Variants in CCDC187 observed in about 807,000 individuals in gnomAD.
The protein encoded by CCDC187 is coiled-coil domain-containing protein 187.
Under a neutral mutation model 38.0 loss-of-function variants are expected in CCDC187, and 32 were observed. That is an observed-to-expected ratio of 0.84 (90% CI 0.64 to 1.13). The LOEUF is 1.13. Ranked by LOEUF, CCDC187 falls within the 50% of genes most tolerant of loss-of-function variation. The pLI is 0.00. For synonymous variants in CCDC187, 333 were observed against 347.9 expected (o/e 0.96, Z 0.48); for missense variants, 707 against 786.8 (o/e 0.90, Z 1.21).
chr9:136,259,359 G>A lies in CCDC187; in HGVS notation c.4296+4C>T, dbSNP rs922788727. ...GGGAAAGGGCTTCCAGGGAGAGTGC[G>A]TACGGGAAAGGCTGGGCCCAGCCGC... On this transcript the variant is annotated splice_donor_region_variant and intron_variant, in intron 21 of 25. Transcript: ENST00000638797. 25 of 984,470 alleles carry A rather than the reference G, an allele frequency of 2.5e-5. No homozygotes were observed. Among genetic ancestry groups the A allele is most frequent in the South Asian group, 9.4e-5 (2 of 21,258 alleles). The allele number at this position is 984,470 out of a possible 1,614,324, so 61.0% of individuals were successfully genotyped here.
intron 10 of CCDC187, among the ~76,000 whole-genome samples, chr9:136,280,349 G>T (rs1244320906): frequency 6.6e-6 from 1 of 152,356 alleles, no homozygotes; most frequent in South Asian, 2.1e-4. Context: ...GAAGGGGCAG[G>T]TGCATACCAG....
In CCDC187 at chr9:136,293,308, C is replaced by T. The variant is rs1236482229; in HGVS notation, c.833-1013G>A. 4.7e-5 allele frequency among the ~76,000 whole-genome samples: 7 copies of T among 149,698 alleles called. 2 individuals carry two copies. Among genetic ancestry groups the T allele is most frequent in the Non-Finnish European group, 4.4e-5 (3 of 67,624 alleles). On this transcript the variant is annotated intron_variant, in intron 4 of 25. Transcript: ENST00000638797. ...GCTCACACACTCACAAACACATGTT[C>T]ACACACTCACACTCACATGCTTACA...
intron 9 of CCDC187, among the ~76,000 whole-genome samples, chr9:136,283,281 C>A (rs1831089715): frequency 6.6e-6 from 1 of 152,092 alleles, no homozygotes; most frequent in South Asian, 2.1e-4. Context: ...AAAAAAGAAA[C>A]CAGTCTGAGA....
Position 136,291,205 on chromosome 9 carries a change from C to G in CCDC187, c.1408G>C (p.Asp470His). The change falls in exon 6 of 26, where the codon GAC becomes CAC. Residue 470 changes from aspartate (D) to histidine (H), a missense_variant. Transcript: ENST00000638797. ...PQRAWGAQGQ[D>H]RSFQRPESPH... ...CTCTCCGGCCTCTGGAAGGAGCGGT[C>G]CTGTCCTTGGGCCCCCCAGGCCCTC... 2.5e-6 allele frequency: 1 copy of G among 398,726 alleles called. No individual in the cohort carries two copies. The highest frequency in any genetic ancestry group is 4.4e-6 in the Non-Finnish European group (1 of 226,140). The allele number at this position is 398,726 out of a possible 1,614,324, so 24.7% of individuals were successfully genotyped here.
intron 14 of CCDC187, 47 bp from the exon 15 acceptor site, chr9:136,268,172 C>T (rs1261448681): frequency 2.0e-6 from 2 of 978,862 alleles, no homozygotes; most frequent in South Asian, 9.5e-5. Flanking sequence ...GGTCTGAGTG[C>T]CCCGTGTCAG....
intron 21 of CCDC187, 114 bp from the exon 22 acceptor site, chr9:136,259,115 G>A: frequency 1.2e-6 from 1 of 848,892 alleles, no homozygotes; most frequent in Non-Finnish European, 1.4e-6. Flanking sequence ...GGTGGATGGG[G>A]ACAGCCGGGG....
In CCDC187 at chr9:136,254,351, C is replaced by T; in HGVS notation, c.5477G>A (p.Arg1826Lys). Residue 1826 changes from arginine to lysine, a missense_variant, in exon 26 of 26, where the codon AGA becomes AAA. Transcript: ENST00000638797. ...AGCCACCTGGGGCTCCATGCCGCTT[C>T]TGACACCCCCTTTCAGGCTCTCGCT... ...GTSESLKGGV[R>K]SGMEPQVALP... is the part of the protein sequence containing the mutation. 1 of 984,410 alleles carries T rather than the reference C, an allele frequency of 1.0e-6. No homozygotes were observed. 61.0% of individuals were successfully genotyped at this position (984,410 alleles called of 1,614,324 possible).
At chr9:136,293,886 TCACA>T (rs1407812285) in intron 4 of CCDC187, among the ~76,000 whole-genome samples, 2 of 150,842 alleles carry the variant, frequency 1.3e-5, no homozygotes, top group Admixed American at 6.6e-5. Context: ...ACTCACACGC[TCACA>T]CACAACCACA....
intron 5 of CCDC187, 119 bp from the exon 6 acceptor site, chr9:136,291,764 C>T: frequency 2.5e-6 from 1 of 397,842 alleles, no homozygotes; most frequent in Non-Finnish European, 4.4e-6. Flanking sequence ...CGGGCCCCTG[C>T]TGGGCAGAAG....
rs114870706 is a variant in CCDC187, at chr9:136,269,981, T to C, written c.3443-1856A>G. 2.5e-3 allele frequency among the ~76,000 whole-genome samples: 382 copies of C among 152,248 alleles called. 1 individual carries two copies. The highest frequency in any genetic ancestry group is 8.7e-3 in the African/African-American group (363 of 41,528). On this transcript the variant is annotated intron_variant, in intron 14 of 25. Coordinates refer to ENST00000638797, the MANE Select transcript of CCDC187 (RefSeq NM_001378188.1). Reference sequence around the variant, plus strand: ...ACACTGGATGGGATGAAGGGCAGACTAGACACTGCAGAAGGAGAGATGAAC... The same window carrying C: ...ACACTGGATGGGATGAAGGGCAGACCAGACACTGCAGAAGGAGAGATGAAC...
In CCDC187 at chr9:136,281,472, G is replaced by A. The variant is rs905708073; in HGVS notation, c.3040+79C>T. 383 of 398,652 alleles carry A rather than the reference G, an allele frequency of 9.6e-4. 1 individual carries two copies. Among genetic ancestry groups the A allele is most frequent in the African/African-American group, 6.5e-3 (319 of 48,744 alleles). 24.7% of individuals were successfully genotyped at this position (398,652 alleles called of 1,614,324 possible). A position where few individuals can be genotyped will look rare whatever the true frequency, so the allele number is the denominator to read the frequency against. On this transcript the variant is annotated intron_variant, in intron 10 of 25. Transcript: ENST00000638797. ...CCCGTAGGGCCAAGCTCGAGTGCTA[G>A]GCAGTGGAAGGTGTTCTCGGTGGAT...
At chr9:136,268,741 A>AT (rs1830790733) in intron 14 of CCDC187, among the ~76,000 whole-genome samples, 6 of 152,174 alleles carry the variant, frequency 3.9e-5, no homozygotes, top group Admixed American at 2.0e-4. Context: ...ATACATATAT[A>AT]TATATTTTTT....
chr9:136,295,371 C>T (rs1451233816), intron 4 of CCDC187, among the ~76,000 whole-genome samples: 1 of 152,196 alleles, frequency 6.6e-6, no homozygotes, highest in African/African-American at 2.4e-5. Flanking sequence ...CTGATGGGCA[C>T]ATTTTTTCTT....
intron 9 of CCDC187, 107 bp from the exon 10 acceptor site, chr9:136,281,770 G>A: frequency 2.5e-6 from 1 of 397,712 alleles, no homozygotes; most frequent in African/African-American, 2.1e-5. Flanking sequence ...GGGCTCCCGT[G>A]GCCTGGAGCA....
At position 136,281,540 on chromosome 9, in the gene CCDC187, G is replaced by A; in HGVS notation, c.3040+11C>T. 2.5e-6 allele frequency: 1 copy of A among 398,642 alleles called. No homozygotes were observed. Among genetic ancestry groups the A allele is most frequent in the Non-Finnish European group, 4.4e-6 (1 of 226,084 alleles). 24.7% of individuals were successfully genotyped at this position (398,642 alleles called of 1,614,324 possible). A position where few individuals can be genotyped will look rare whatever the true frequency, so the allele number is the denominator to read the frequency against. The stretch of plus-strand genomic sequence containing the variant: ...AGCCAGCCCAGGGCCTGTCCGCAGG[G>A]TCGCCCTTACCGCAGCTCCGGGGGG... On this transcript the variant is annotated intron_variant, in intron 10 of 25. Transcript: ENST00000638797.
At chr9:136,306,857 C>G (rs1831810281), upstream of CCDC187, 1 of 152,234 alleles carries the variant, frequency 6.6e-6, no homozygotes, top group African/African-American at 2.4e-5. Flanking sequence ...AGAGCCGTGA[C>G]TGGCCCAGAC....
chr9:136,282,423 G>A (rs1291006975), intron 9 of CCDC187, among the ~76,000 whole-genome samples: 1 of 152,218 alleles, frequency 6.6e-6, no homozygotes, highest in African/African-American at 2.4e-5. Context: ...TGGGATGAGG[G>A]GTCTTTGGGG....
intron 15 of CCDC187, 185 bp downstream of exon 15, chr9:136,267,864 C>T (rs1170966818): frequency 4.1e-6 from 4 of 985,286 alleles, no homozygotes; most frequent in Non-Finnish European, 4.8e-6. Flanking sequence ...TCACCCAGGG[C>T]GGGAGGAACG....
At position 136,296,003 on chromosome 9, in the gene CCDC187, C is replaced by G. The variant is rs1420147922; in HGVS notation, c.832+1711G>C. The G allele has an allele frequency of 2.0e-5, 3 of 152,428 alleles. No individual in the cohort carries two copies. In the East Asian group the frequency reaches 5.8e-4, roughly 29 times the overall value. The allele number at this position is 152,428 out of a possible 1,614,324, so 9.4% of individuals were successfully genotyped here. A position where few individuals can be genotyped will look rare whatever the true frequency, so the allele number is the denominator to read the frequency against. On this transcript the variant is annotated intron_variant, in intron 4 of 25. Transcript: ENST00000638797. ...AATGCACACGGTGGCCCCGCAGCCC[C>G]GCTGAGCTCCCACCTCACCCGCGTG...
Sources: gnomAD v4.1 joint callset for allele counts (sites outside exome capture counted in the v4.1 genomes callset) on GRCh38, gnomAD v4.1.1 for gene constraint, MANE v1.5 for transcripts, NCBI Gene and HGNC (gene_info 2026-07-23, HGNC 2026-07-21) for gene names.